Variants in EHBP1 observed in about 807,000 individuals in gnomAD.
EHBP1 encodes the protein EH domain-binding protein 1.
A neutral mutation model predicts 144.0 loss-of-function variants in EHBP1; 55 were observed. That is an observed-to-expected ratio of 0.38 (90% confidence interval 0.31 to 0.48). The LOEUF (loss-of-function observed/expected upper bound fraction) is 0.48. EHBP1 is among the 20% of genes least tolerant of loss of function. The pLI, the probability that EHBP1 is intolerant of heterozygous loss-of-function variation, is 0.98. For missense variants in EHBP1, 1,200 were observed against 1,364.2 expected (o/e 0.88, Z 1.90); for synonymous variants, 469 against 472.7 (o/e 0.99, Z 0.10).
At chr2:62,906,216 T>A (rs1299540108) in intron 10 of EHBP1, among the ~76,000 whole-genome samples, 1 of 152,092 alleles carries the variant, frequency 6.6e-6, no homozygotes, top group Non-Finnish European at 1.5e-5. Context: ...AACAGACTGT[T>A]CTTTCTCTTC....
At chr2:62,902,043 A>G (rs756866719) in intron 10 of EHBP1, among the ~76,000 whole-genome samples, 5 of 152,148 alleles carry the variant, frequency 3.3e-5, no homozygotes, top group Non-Finnish European at 7.3e-5. Context: ...ATATGGTTAT[A>G]ATATTTATAA....
intron 9 of EHBP1, among the ~76,000 whole-genome samples, chr2:62,871,698 A>C (rs2050501410): frequency 6.6e-6 from 1 of 152,198 alleles, no homozygotes; most frequent in African/African-American, 2.4e-5. Context: ...GTATACTCTG[A>C]CATTAAACTA....
intron 1 of EHBP1, among the ~76,000 whole-genome samples, chr2:62,679,220 T>C (rs956721794): frequency 1.3e-5 from 2 of 152,252 alleles, no homozygotes; most frequent in Non-Finnish European, 2.9e-5. Flanking sequence ...GACTAAACTT[T>C]AACATCAATA....
At chr2:62,920,896 T>G (rs1449028581) in intron 10 of EHBP1, among the ~76,000 whole-genome samples, 3 of 152,086 alleles carry the variant, frequency 2.0e-5, no homozygotes, top group African/African-American at 7.2e-5. Context: ...CTCGAATTCC[T>G]GACCTCAAAT....
intron 2 of EHBP1, among the ~76,000 whole-genome samples, chr2:62,731,077 C>T (rs1165030861): frequency 6.6e-6 from 1 of 151,110 alleles, no homozygotes; most frequent in African/African-American, 2.4e-5. Context: ...TTATTTGGAT[C>T]TTCTTGGATT....
At chr2:62,701,791 C>T (rs2034288687), upstream of EHBP1, among the ~76,000 whole-genome samples, 1 of 152,036 alleles carries the variant, frequency 6.6e-6, no homozygotes, top group Non-Finnish European at 1.5e-5. Flanking sequence ...AATTTGTCTG[C>T]TGTGGGTTTA....
At chr2:62,721,585 A>T (rs1212381883) in intron 2 of EHBP1, among the ~76,000 whole-genome samples, 1 of 152,246 alleles carries the variant, frequency 6.6e-6, no homozygotes, top group Non-Finnish European at 1.5e-5. Flanking sequence ...GAAGTTATGT[A>T]AGTGTCCTAT....
At chr2:62,732,612 G>A (rs776474211) in intron 2 of EHBP1, among the ~76,000 whole-genome samples, 7 of 152,080 alleles carry the variant, frequency 4.6e-5, no homozygotes, top group Non-Finnish European at 8.8e-5. Flanking sequence ...TGTAAAACGT[G>A]CCAGCTTCCC....
Position 63,045,128 on chromosome 2 carries a change from C to A in EHBP1, c.3340C>A (p.Leu1114Met). 6.3e-7 allele frequency: 1 copy of A among 1,597,796 alleles called. No homozygotes were observed. Among genetic ancestry groups the A allele is most frequent in the Non-Finnish European group, 8.5e-7 (1 of 1,171,954 alleles). Reference protein sequence around the residue: ...EQLLLDELVALVNKRDALVRD... With the variant: ...EQLLLDELVAMVNKRDALVRD... ...GCTTCTGCTAGATGAGCTGGTGGCC[C>A]TGGTGAACAAGCGCGATGCGCTCGT... Residue 1114 changes from leucine (L) to methionine (M), a missense_variant, in exon 22 of 23, where the codon CTG (leucine) becomes ATG (methionine). Leu to Met is a conservative substitution (Grantham distance 15, BLOSUM62 2). This residue lies in a region of EHBP1 where 149 missense variants were observed against 217.0 expected (regional missense o/e 0.69). Coordinates refer to ENST00000431489, the MANE Select transcript of EHBP1 (RefSeq NM_001142616.3). The surrounding 1 kb of genome is among the most constrained non-coding windows in gnomAD (Gnocchi z 5.7).
intron 5 of EHBP1, among the ~76,000 whole-genome samples, chr2:62,774,786 A>G (rs912215367): frequency 9.2e-5 from 14 of 152,294 alleles, no homozygotes; most frequent in Non-Finnish European, 1.6e-4. Context: ...TCAAGGCTGC[A>G]GTGAGCTGTG....
chr2:62,833,307 T>C (rs2046960691), intron 7 of EHBP1, among the ~76,000 whole-genome samples: 3 of 152,202 alleles, frequency 2.0e-5, no homozygotes, highest in Admixed American at 2.0e-4. Context: ...TAGTAAATGC[T>C]AATATAGAAG....
At position 63,045,296 on chromosome 2, in the gene EHBP1, G is replaced by A; in HGVS notation, c.3393-114G>A. ...GCCGGGGCAGCCTCCCACTGGCCTG[G>A]TGCTCCCCATTCCCGCTGGGGATCC... On this transcript the variant is annotated intron_variant, in intron 22 of 22. Coordinates refer to ENST00000431489, the MANE Select transcript of EHBP1 (RefSeq NM_001142616.3). This position sits in a 1 kb window ranked among gnomAD's most constrained non-coding sequence, Gnocchi z 5.7. 7.4e-7 allele frequency: 1 copy of A among 1,357,740 alleles called. No homozygotes were observed. The highest frequency in any genetic ancestry group is 1.0e-6 in the Non-Finnish European group (1 of 969,244). 84.1% of individuals were successfully genotyped at this position (1,357,740 alleles called of 1,614,324 possible).
At chr2:62,905,628 C>G (rs530431859) in intron 10 of EHBP1, among the ~76,000 whole-genome samples, 1 of 151,966 alleles carries the variant, frequency 6.6e-6, no homozygotes, top group Admixed American at 6.6e-5. Context: ...AGTTTGAGAC[C>G]AGCCTGGGCA....
intron 8 of EHBP1, among the ~76,000 whole-genome samples, chr2:62,861,289 C>G (rs1005176006): frequency 1.3e-5 from 2 of 151,424 alleles, no homozygotes; most frequent in Non-Finnish European, 3.0e-5. Context: ...GCCACCATGC[C>G]CAGTTAATTT....
intron 3 of EHBP1, among the ~76,000 whole-genome samples, chr2:62,749,936 C>A (rs973049224): frequency 3.3e-5 from 5 of 152,010 alleles, no homozygotes; most frequent in African/African-American, 9.7e-5. Flanking sequence ...TGTAGGTTGT[C>A]TGTTCACTCT....
Position 63,009,129 on chromosome 2 carries a change from C to A in EHBP1, c.3103+12363C>A, listed in dbSNP as rs112898734. Among the ~76,000 whole-genome samples the A allele has an allele frequency of 3.2e-3, 490 of 151,644 alleles. 2 individuals are homozygous for A. Among genetic ancestry groups the A allele is most frequent in the Non-Finnish European group, 5.8e-3 (392 of 67,602 alleles). On this transcript the variant is annotated intron_variant, in intron 19 of 22. Transcript: ENST00000431489. ...TGTTTTTGTATTGATGTGATTAGTC[C>A]AATGGGGAAATCAATTTTATAGGAG...
Position 62,916,167 on chromosome 2 carries a change from A to G in EHBP1, c.1186-26551A>G, listed in dbSNP as rs543727972. On this transcript the variant is annotated intron_variant, in intron 10 of 22. Coordinates refer to ENST00000431489, the MANE Select transcript of EHBP1 (RefSeq NM_001142616.3). ...GAGATCTTGTCTCTAAAATAATAGA[A>G]CTTTTAATTAATGAAATATATTTTA... is the stretch of plus-strand genomic sequence containing the variant. Among the ~76,000 whole-genome samples the G allele has an allele frequency of 2.0e-5, 3 of 152,196 alleles. No homozygotes were observed. In the South Asian group the frequency reaches 6.2e-4, roughly 32 times the overall value.
chr2:62,785,423 A>G (rs577056599), intron 5 of EHBP1, among the ~76,000 whole-genome samples: 4 of 152,320 alleles, frequency 2.6e-5, no homozygotes, highest in Admixed American at 1.3e-4. Flanking sequence ...AAAAAGATTC[A>G]GAAGTGTGTA....
chr2:62,905,669 C>T (rs939629287), intron 10 of EHBP1, among the ~76,000 whole-genome samples: 1 of 151,792 alleles, frequency 6.6e-6, no homozygotes, highest in African/African-American at 2.4e-5. Context: ...TACAAAAATA[C>T]AAAAATTAGC....
Sources: gnomAD v4.1 joint callset for allele counts (sites outside exome capture counted in the v4.1 genomes callset) on GRCh38, gnomAD v4.1.1 for gene constraint, gnomAD v4.1.1 regional missense constraint, Gnocchi (gnomAD v3.1) non-coding constraint, MANE v1.5 for transcripts, NCBI Gene and HGNC (gene_info 2026-07-23, HGNC 2026-07-21) for gene names.